DMD: variants seen among roughly 807,000 people sequenced by gnomAD.
DMD encodes the protein dystrophin.
DMD carries 63 observed loss-of-function variants against 330.1 expected under a neutral mutation model. That is an observed-to-expected ratio of 0.19 (90% confidence interval 0.16 to 0.24). The LOEUF is 0.24. DMD is among the 10% of genes least tolerant of loss of function. DMD has a pLI of 1.00. For missense variants in DMD, 3,344 were observed against 2,684.1 expected, an observed-to-expected ratio of 1.25 and a Z score of -5.43; for synonymous variants, 1,223 against 959.8, an observed-to-expected ratio of 1.27 and a Z score of -5.07.
chrX:32,849,555 G>T (rs1400723245), intron 3 of DMD, among the ~76,000 whole-genome samples, 173 bp downstream of exon 3: 1 of 110,870 alleles, frequency 9.0e-6, no homozygotes, highest in Non-Finnish European at 1.9e-5. Flanking sequence ...TTTTCTGCAG[G>T]CGGTAGAGTA....
chrX:32,249,620 C>A (rs1378512254), intron 43 of DMD, among the ~76,000 whole-genome samples: 1 of 111,490 alleles, frequency 9.0e-6, no homozygotes, highest in Non-Finnish European at 1.9e-5. Context: ...ATTGATGGAG[C>A]CACGATTCAA....
At chrX:31,724,986 G>A (rs766671) in intron 52 of DMD, among the ~76,000 whole-genome samples, 17,400 of 111,250 alleles carry the variant, frequency 0.16, 1,262 homozygotes, top group Admixed American at 0.31. Context: ...GTATAAACAG[G>A]AGCAGCAAAA....
intron 1 of DMD, among the ~76,000 whole-genome samples, chrX:33,264,562 T>A (rs1359089083): frequency 9.0e-6 from 1 of 111,065 alleles, no homozygotes. Flanking sequence ...AGGATTAGAA[T>A]GTTAAGCCAC....
intron 41 of DMD, among the ~76,000 whole-genome samples, chrX:32,311,537 G>T (rs894324440): frequency 1.8e-5 from 2 of 111,431 alleles, no homozygotes; most frequent in South Asian, 7.4e-4. Context: ...CAAATTCACA[G>T]AATTGCACAA....
At chrX:32,821,270 G>A (rs1403379555) in intron 5 of DMD, among the ~76,000 whole-genome samples, 1 of 111,423 alleles carries the variant, frequency 9.0e-6, no homozygotes, top group African/African-American at 3.3e-5. Flanking sequence ...TTGACTCTGA[G>A]CAAGAGCAAT....
intron 1 of DMD, among the ~76,000 whole-genome samples, chrX:33,054,360 A>C (rs1157462119): frequency 8.9e-6 from 1 of 112,172 alleles, no homozygotes; most frequent in Admixed American, 9.5e-5. Context: ...AAGTGATGGT[A>C]TAACAACAAA....
At chrX:31,621,750 C>T (rs1215928026) in intron 55 of DMD, among the ~76,000 whole-genome samples, 2 of 111,980 alleles carry the variant, frequency 1.8e-5, no homozygotes, top group Non-Finnish European at 3.8e-5. Flanking sequence ...ATCATGCTGT[C>T]TTTCCACATA....
At chrX:32,473,874 T>C (rs1039390033) in intron 21 of DMD, among the ~76,000 whole-genome samples, 5 of 110,509 alleles carry the variant, frequency 4.5e-5, no homozygotes, top group African/African-American at 1.6e-4. Context: ...GTAAAGGTGG[T>C]ATTTGGTTAC....
At chrX:33,189,159 TAACAAA>T (rs2050404953) in intron 1 of DMD, among the ~76,000 whole-genome samples, 3 of 111,299 alleles carry the variant, frequency 2.7e-5, no homozygotes, top group African/African-American at 9.8e-5. Flanking sequence ...GCTAGAACAA[TAACAAA>T]AAGATGATTA....
chrX:33,327,783 A>G (rs1483694354), intron 1 of DMD, among the ~76,000 whole-genome samples: 1 of 111,518 alleles, frequency 9.0e-6, no homozygotes, highest in Non-Finnish European at 1.9e-5. Flanking sequence ...ATAGAATCTT[A>G]TAAAGATCTG....
Position 32,782,720 on chromosome X carries a change from G to A in DMD, c.649+26773C>T, listed in dbSNP as rs986978052. ...GATTTGATACAATAGGGTGAATATAGTCAATAATTGTGCATTTGAAAATAA... is the reference window on the plus strand; with the variant it reads ...GATTTGATACAATAGGGTGAATATAATCAATAATTGTGCATTTGAAAATAA... On this transcript the variant is annotated intron_variant, in intron 7 of 78. Coordinates refer to ENST00000357033, the MANE Select transcript of DMD (RefSeq NM_004006.3). Among the ~76,000 whole-genome samples, 5 of 109,912 alleles carry A rather than the reference G, an allele frequency of 4.5e-5. No homozygotes were observed. In the Admixed American group the frequency reaches 4.9e-4, roughly 11 times the overall value.
At chrX:33,328,193 T>C (rs1285410303) in intron 1 of DMD, among the ~76,000 whole-genome samples, 1 of 110,984 alleles carries the variant, frequency 9.0e-6, no homozygotes, top group Non-Finnish European at 1.9e-5. Context: ...TAGGTTTTTT[T>C]TGTTTTGTTT....
intron 44 of DMD, among the ~76,000 whole-genome samples, chrX:32,130,008 C>A (rs1208031209): frequency 9.4e-6 from 1 of 105,994 alleles, no homozygotes; most frequent in African/African-American, 3.5e-5. Context: ...TCCCAGAAAC[C>A]TTTAAGTCTT....
intron 47 of DMD, among the ~76,000 whole-genome samples, chrX:31,906,329 G>A (rs977820101): frequency 8.9e-6 from 1 of 112,014 alleles, no homozygotes; most frequent in Non-Finnish European, 1.9e-5. Context: ...TTAGCAGTGT[G>A]AGAACAGACT....
At chrX:32,880,256 G>C (rs1603452518) in intron 2 of DMD, among the ~76,000 whole-genome samples, 1 of 96,455 alleles carries the variant, frequency 1.0e-5, no homozygotes, top group Non-Finnish European at 2.0e-5. Context: ...TTTTTAATCA[G>C]CCAATAGGCT....
intron 2 of DMD, among the ~76,000 whole-genome samples, chrX:33,000,471 C>T (rs971208770): frequency 8.9e-6 from 1 of 112,014 alleles, no homozygotes; most frequent in African/African-American, 3.2e-5. Context: ...TTAAGTTTAG[C>T]CATATAACTG....
At chrX:31,196,071 T>A (rs1341039728) in intron 67 of DMD, among the ~76,000 whole-genome samples, 1 of 112,014 alleles carries the variant, frequency 8.9e-6, no homozygotes, top group Non-Finnish European at 1.9e-5. Context: ...AACAAACCAC[T>A]TAAACAGATC....
At chrX:32,782,938 A>G (rs1172644372) in intron 7 of DMD, among the ~76,000 whole-genome samples, 1 of 102,707 alleles carries the variant, frequency 9.7e-6, no homozygotes, top group Non-Finnish European at 2.0e-5. Context: ...TGTACCCACA[A>G]AAATTATATA....
At chrX:31,232,081 TAAAAAAA>T (rs776133263) in intron 63 of DMD, among the ~76,000 whole-genome samples, 13 of 33,288 alleles carry the variant, frequency 3.9e-4, no homozygotes, top group African/African-American at 1.0e-3. Flanking sequence ...CAGCACATGT[TAAAAAAA>T]AAAAAAAAAA....
Sources: allele counts gnomAD v4.1 joint callset (sites outside exome capture counted in the v4.1 genomes callset), GRCh38; gene constraint gnomAD v4.1.1; transcripts MANE v1.5; gene names NCBI Gene and HGNC (gene_info 2026-07-23, HGNC 2026-07-21).